Variants in LRRC4C observed in about 807,000 individuals in gnomAD.
LRRC4C encodes the protein leucine-rich repeat-containing protein 4C.
LRRC4C carries 5 observed loss-of-function variants against 33.6 expected under a neutral mutation model. The ratio of observed to expected loss-of-function variants is 0.15; its 90% CI spans 0.08 to 0.31. The LOEUF (loss-of-function observed/expected upper bound fraction) is 0.31, where lower values mean the gene tolerates loss of function less well. Among genes scored for constraint, LRRC4C ranks in the 10% least tolerant of loss-of-function variants. LRRC4C has a pLI of 1.00. For missense variants in LRRC4C, 560 were observed against 796.7 expected (o/e 0.70, Z 3.58); for synonymous variants, 329 against 302.0 (o/e 1.09, Z -0.93).
At chr11:40,203,519 G>A (rs1346139855) in intron 5 of LRRC4C, among the ~76,000 whole-genome samples, 1 of 152,144 alleles carries the variant, frequency 6.6e-6, no homozygotes, top group African/African-American at 2.4e-5. Flanking sequence ...CTTAACCTGA[G>A]TGAGGTAGTT....
At chr11:41,205,128 A>T (rs1946546528) in intron 1 of LRRC4C, among the ~76,000 whole-genome samples, 1 of 152,180 alleles carries the variant, frequency 6.6e-6, no homozygotes, top group African/African-American at 2.4e-5. Context: ...ATCCAGGAAC[A>T]TAAAAAAAGT....
chr11:41,410,458 CT>C (rs1954426899), intron 1 of LRRC4C, among the ~76,000 whole-genome samples: 1 of 147,506 alleles, frequency 6.8e-6, no homozygotes, highest in South Asian at 2.1e-4. Flanking sequence ...GTCACCCAGG[CT>C]GGAGTGCAGT....
chr11:41,371,416 C>T (rs987816601), intron 1 of LRRC4C, among the ~76,000 whole-genome samples: 2 of 152,128 alleles, frequency 1.3e-5, no homozygotes, highest in African/African-American at 4.8e-5. Context: ...GGTTTTGATT[C>T]CTTTGAAATA....
intron 1 of LRRC4C, among the ~76,000 whole-genome samples, chr11:41,357,057 A>T (rs1952187544): frequency 6.6e-6 from 1 of 152,104 alleles, no homozygotes; most frequent in South Asian, 2.1e-4. Context: ...TTAAAAAAAA[A>T]TACCAACAGC....
At chr11:40,294,921 G>A (rs886093936) in intron 4 of LRRC4C, among the ~76,000 whole-genome samples, 4 of 152,206 alleles carry the variant, frequency 2.6e-5, no homozygotes, top group South Asian at 2.1e-4. Flanking sequence ...GGGAGGCTGC[G>A]GTCGAGCAGG....
At chr11:40,515,440 T>C (rs1330846248) in intron 3 of LRRC4C, among the ~76,000 whole-genome samples, 1 of 152,100 alleles carries the variant, frequency 6.6e-6, no homozygotes, top group African/African-American at 2.4e-5. Flanking sequence ...AATTATATTG[T>C]CTAATCTTAC....
intron 1 of LRRC4C, among the ~76,000 whole-genome samples, chr11:41,415,849 A>T (rs574753485): frequency 6.6e-6 from 1 of 152,232 alleles, no homozygotes; most frequent in African/African-American, 2.4e-5. Context: ...GGATCAGAGG[A>T]GGAATGAGAA....
At chr11:40,332,402 C>T (rs2136944683) in intron 3 of LRRC4C, among the ~76,000 whole-genome samples, 1 of 152,238 alleles carries the variant, frequency 6.6e-6, no homozygotes, top group Admixed American at 6.5e-5. Flanking sequence ...ATTTTTAAGA[C>T]ACCAGTCATT....
chr11:40,339,356 G>A (rs1026015974), intron 3 of LRRC4C, among the ~76,000 whole-genome samples: 4 of 152,308 alleles, frequency 2.6e-5, no homozygotes, highest in African/African-American at 9.6e-5. Flanking sequence ...AACTCCATAT[G>A]TGTTAGTGAA....
chr11:40,857,865 T>C (rs1953866211), intron 2 of LRRC4C, among the ~76,000 whole-genome samples: 1 of 150,530 alleles, frequency 6.6e-6, no homozygotes, highest in East Asian at 2.0e-4. Flanking sequence ...CATTGAGCCA[T>C]GATTGTGCCA....
chr11:40,151,615 G>A lies in LRRC4C; in HGVS notation c.-95-10762C>T, dbSNP rs973810489. 2.0e-5 allele frequency among the ~76,000 whole-genome samples: 3 copies of A among 152,292 alleles called. No individual in the cohort carries two copies. The East Asian group carries it at 5.8e-4, about 29-fold the overall frequency. On this transcript the variant is annotated intron_variant, in intron 5 of 6. Coordinates refer to ENST00000528697, the MANE Select transcript of LRRC4C (RefSeq NM_001258419.2). Reference sequence around the variant, plus strand: ...TCTGAAGTAGTTCGCGGAAGGTAGAGACAAAAAATGGAAATATGCTACAGT... The same window carrying A: ...TCTGAAGTAGTTCGCGGAAGGTAGAAACAAAAAATGGAAATATGCTACAGT...
At chr11:41,360,174 C>G (rs769784504) in intron 1 of LRRC4C, among the ~76,000 whole-genome samples, 2 of 152,066 alleles carry the variant, frequency 1.3e-5, no homozygotes, top group African/African-American at 2.4e-5. Context: ...CAAAGGGGGA[C>G]CCTGTCTCAA....
At chr11:40,269,905 T>C (rs1392552473) in intron 4 of LRRC4C, among the ~76,000 whole-genome samples, 3 of 152,146 alleles carry the variant, frequency 2.0e-5, no homozygotes, top group Non-Finnish European at 4.4e-5. Flanking sequence ...TTGGGATTCC[T>C]TTTTAGAATC....
chr11:40,905,695 C>G (rs931844515), intron 2 of LRRC4C, among the ~76,000 whole-genome samples: 1 of 152,190 alleles, frequency 6.6e-6, no homozygotes, highest in Non-Finnish European at 1.5e-5. Context: ...CTCCTGTTTC[C>G]CAGGTGGGGG....
At chr11:41,409,325 A>G (rs538467419) in intron 1 of LRRC4C, among the ~76,000 whole-genome samples, 1 of 152,218 alleles carries the variant, frequency 6.6e-6, no homozygotes, top group African/African-American at 2.4e-5. Context: ...GGAATAAACT[A>G]TTCAACTCTT....
chr11:40,571,340 T>C (rs1957975837), intron 3 of LRRC4C, among the ~76,000 whole-genome samples: 1 of 152,124 alleles, frequency 6.6e-6, no homozygotes, highest in Non-Finnish European at 1.5e-5. Context: ...AATTTTTAGT[T>C]GTATTTTCCT....
At chr11:40,214,082 C>T (rs189003708) in intron 5 of LRRC4C, among the ~76,000 whole-genome samples, 3 of 152,280 alleles carry the variant, frequency 2.0e-5, no homozygotes, top group Non-Finnish European at 2.9e-5. Flanking sequence ...CACCTTTCCC[C>T]CTGTGGAGGC....
intron 3 of LRRC4C, among the ~76,000 whole-genome samples, chr11:40,643,275 C>T (rs180766638): frequency 6.8e-4 from 104 of 152,260 alleles, no homozygotes; most frequent in Non-Finnish European, 4.1e-4. Context: ...AGGCAATTAA[C>T]ACTTTCATCC....
chr11:40,614,551 T>C (rs1296842424), intron 3 of LRRC4C, among the ~76,000 whole-genome samples: 1 of 140,234 alleles, frequency 7.1e-6, no homozygotes, highest in Non-Finnish European at 1.6e-5. Context: ...GTAGTACTTG[T>C]AATTTTCTTC....
Sources: gnomAD v4.1 joint callset for allele counts (sites outside exome capture counted in the v4.1 genomes callset) on GRCh38, gnomAD v4.1.1 for gene constraint, MANE v1.5 for transcripts, NCBI Gene and HGNC (gene_info 2026-07-23, HGNC 2026-07-21) for gene names.